The following LRRIQ3 variants were observed in gnomAD, a reference collection of about 807,000 sequenced individuals.
LRRIQ3 encodes the protein leucine rich repeats and IQ motif containing 3.
LRRIQ3 carries 75 observed loss-of-function variants against 59.3 expected under a neutral mutation model. The ratio of observed to expected loss-of-function variants is 1.26; its 90% CI spans 1.05 to 1.53. The LOEUF is 1.53. LRRIQ3 is among the 40% of genes most tolerant of loss of function. LRRIQ3 has a pLI of 0.00. For missense variants in LRRIQ3, 831 were observed against 710.0 expected, an observed-to-expected ratio of 1.17 and a Z score of -1.94; for synonymous variants, 250 against 231.3, an observed-to-expected ratio of 1.08 and a Z score of -0.73.
chr1:74,133,421 A>C, intron 4 of LRRIQ3, among the ~76,000 whole-genome samples: 1 of 152,118 alleles, frequency 6.6e-6, no homozygotes, highest in East Asian at 1.9e-4. Context: ...ATGTATGTTT[A>C]TTGCGGCACT....
intron 3 of LRRIQ3, among the ~76,000 whole-genome samples, chr1:74,173,125 G>A (rs557162479): frequency 1.1e-3 from 171 of 151,892 alleles, no homozygotes; most frequent in African/African-American, 3.5e-3. Context: ...CATCCTGGCC[G>A]TCTCTACTAA....
At chr1:74,105,424 G>C (rs1646597355) in intron 5 of LRRIQ3, among the ~76,000 whole-genome samples, 1 of 151,676 alleles carries the variant, frequency 6.6e-6, no homozygotes, top group Admixed American at 6.6e-5. Flanking sequence ...GCTAATTTTT[G>C]TATTTTTAGT....
chr1:74,180,735 T>G lies in LRRIQ3; in HGVS notation c.573+1803A>C, dbSNP rs1482526779. ...TCATGACTCATTTGCTGTCCAATATTGGGTAAGTTCCTAAACCTCACTATG... is the reference window on the plus strand; with the variant it reads ...TCATGACTCATTTGCTGTCCAATATGGGGTAAGTTCCTAAACCTCACTATG... On this transcript the variant is annotated intron_variant, in intron 3 of 7. Coordinates refer to ENST00000354431, the MANE Select transcript of LRRIQ3 (RefSeq NM_001105659.2). The G allele has an allele frequency of 2.6e-6, 4 of 1,550,128 alleles. No individual in the cohort carries two copies. The African/African-American group carries it at 4.1e-5, about 16-fold the overall frequency.
intron 3 of LRRIQ3, among the ~76,000 whole-genome samples, chr1:74,162,716 C>A (rs78924022): frequency 0.04 from 6,036 of 151,722 alleles, 153 homozygotes; most frequent in South Asian, 0.13. Flanking sequence ...CCTACTTCCA[C>A]GTTTTTAGTT....
chr1:74,180,119 T>A (rs1297165682), intron 3 of LRRIQ3: 1 of 151,976 alleles, frequency 6.6e-6, no homozygotes, highest in Non-Finnish European at 1.5e-5. Context: ...CACAATTTCA[T>A]GTCCAACAAC....
At chr1:74,085,526 C>A (rs192067463) in intron 5 of LRRIQ3, among the ~76,000 whole-genome samples, 129 of 151,960 alleles carry the variant, frequency 8.5e-4, no homozygotes, top group African/African-American at 3.0e-3. Context: ...GAGAATGAAT[C>A]TTCATTCTGG....
intron 3 of LRRIQ3, among the ~76,000 whole-genome samples, chr1:74,176,430 T>G (rs1557654773): frequency 6.6e-6 from 1 of 152,180 alleles, no homozygotes; most frequent in Non-Finnish European, 1.5e-5. Context: ...AGATATTTTT[T>G]GGCATTGGAT....
intron 5 of LRRIQ3, chr1:74,109,102 G>A (rs968488076): frequency 7.2e-5 from 14 of 195,708 alleles, no homozygotes; most frequent in Non-Finnish European, 1.1e-4. Flanking sequence ...TTCAATCACT[G>A]AGAAGTGGTT....
intron 3 of LRRIQ3, among the ~76,000 whole-genome samples, chr1:74,156,588 T>C (rs1355661521): frequency 6.6e-6 from 1 of 152,252 alleles, no homozygotes; most frequent in African/African-American, 2.4e-5. Context: ...GCTCTCTAAA[T>C]GGTAGTGGCA....
chr1:74,084,277 G>A (rs904617862), intron 5 of LRRIQ3: 71 of 1,468,686 alleles, frequency 4.8e-5, no homozygotes, highest in Non-Finnish European at 6.2e-5. Flanking sequence ...CTCTTGAGGT[G>A]TACCATTAGT....
intron 3 of LRRIQ3, among the ~76,000 whole-genome samples, chr1:74,168,476 T>C (rs12033705): frequency 6.6e-6 from 1 of 151,886 alleles, no homozygotes; most frequent in Non-Finnish European, 1.5e-5. Flanking sequence ...TATAACATTC[T>C]ATTTGAAATT....
At chr1:74,126,671 C>G (rs930746482) in intron 4 of LRRIQ3, among the ~76,000 whole-genome samples, 2 of 151,740 alleles carry the variant, frequency 1.3e-5, no homozygotes, top group African/African-American at 4.8e-5. Context: ...CAAAATTCCT[C>G]TGGTTGATTT....
At chr1:74,074,567 T>C (rs1031975812) in intron 6 of LRRIQ3, 94 bp downstream of exon 6, 5 of 517,296 alleles carry the variant, frequency 9.7e-6, no homozygotes, top group African/African-American at 6.1e-5. Flanking sequence ...TTTGGATTTA[T>C]ACTTGCAAAT....
intron 4 of LRRIQ3, among the ~76,000 whole-genome samples, chr1:74,139,970 C>T (rs919027480): frequency 2.6e-5 from 4 of 151,324 alleles, no homozygotes; most frequent in African/African-American, 9.7e-5. Context: ...GGAAAACATA[C>T]AACAATAAAA....
intron 5 of LRRIQ3, among the ~76,000 whole-genome samples, chr1:74,097,779 C>T (rs889589122): frequency 6.6e-6 from 1 of 152,092 alleles, no homozygotes; most frequent in Non-Finnish European, 1.5e-5. Flanking sequence ...GAATTTTCAA[C>T]CCAGAATTTC....
intron 4 of LRRIQ3, among the ~76,000 whole-genome samples, chr1:74,118,531 T>C (rs573361182): frequency 6.6e-6 from 1 of 152,152 alleles, no homozygotes; most frequent in African/African-American, 2.4e-5. Context: ...CTTGCTCTCT[T>C]TCTCTCTCGG....
intron 5 of LRRIQ3, among the ~76,000 whole-genome samples, chr1:74,094,432 G>A (rs547836687): frequency 6.6e-6 from 1 of 152,140 alleles, no homozygotes; most frequent in African/African-American, 2.4e-5. Context: ...AGAAGCAAGA[G>A]GTTAGGGTGA....
chr1:74,184,332 A>T lies in LRRIQ3; in HGVS notation c.1-648T>A, dbSNP rs559772279. Among the ~76,000 whole-genome samples the T allele has an allele frequency of 1.4e-4, 21 of 152,226 alleles. No homozygotes were observed. In the South Asian group the frequency reaches 4.3e-3, roughly 32 times the overall value. ...ATTTGGATAAATGGTTTTTAATATAATTTTACACAGTATTTCTCATATATG... is the reference window on the plus strand; with the variant it reads ...ATTTGGATAAATGGTTTTTAATATATTTTTACACAGTATTTCTCATATATG... On this transcript the variant is annotated intron_variant, in intron 1 of 7. Transcript: ENST00000354431.
At chr1:74,040,590 T>C (rs1654013707) in intron 7 of LRRIQ3, among the ~76,000 whole-genome samples, 1 of 152,070 alleles carries the variant, frequency 6.6e-6, no homozygotes, top group Admixed American at 6.6e-5. Flanking sequence ...TAGCAAACAG[T>C]CTCTCACACC....
Sources: allele counts gnomAD v4.1 joint callset (sites outside exome capture counted in the v4.1 genomes callset), GRCh38; gene constraint gnomAD v4.1.1; transcripts MANE v1.5; gene names NCBI Gene and HGNC (gene_info 2026-07-23, HGNC 2026-07-21).